STYXL1: variants seen among roughly 807,000 people sequenced by gnomAD.
STYXL1 encodes serine/threonine/tyrosine-interacting-like protein 1.
A neutral mutation model predicts 36.4 loss-of-function variants in STYXL1; 32 were observed. That is an observed-to-expected ratio of 0.88 (90% CI 0.66 to 1.18). The LOEUF (loss-of-function observed/expected upper bound fraction) is 1.18, where lower values mean the gene tolerates loss of function less well. Ranked by LOEUF, STYXL1 falls within the 50% of genes most tolerant of loss-of-function variation. The pLI is 0.00. For synonymous variants in STYXL1, 133 were observed against 144.1 expected (o/e 0.92, Z 0.55); for missense variants, 354 against 394.1 (o/e 0.90, Z 0.86).
intron 8 of STYXL1, among the ~76,000 whole-genome samples, chr7:75,996,844 C>T (rs1554564290): frequency 3.3e-5 from 5 of 152,258 alleles, no homozygotes; most frequent in Admixed American, 2.0e-4. Context: ...CTATTTCAAA[C>T]AGCTTCTGGG....
At chr7:76,041,945 C>G (rs138982385) in intron 1 of STYXL1, among the ~76,000 whole-genome samples, 15 of 152,264 alleles carry the variant, frequency 9.9e-5, no homozygotes, top group Non-Finnish European at 2.1e-4. Context: ...TGGAATTTGT[C>G]AAAACCAAAC....
chr7:76,028,073 T>C (rs942985780), intron 3 of STYXL1, among the ~76,000 whole-genome samples: 5 of 152,084 alleles, frequency 3.3e-5, no homozygotes, highest in Admixed American at 2.0e-4. Flanking sequence ...CTCACTCTGT[T>C]GCCCAGGCTA....
At chr7:76,045,328 A>T (rs200611379) in intron 1 of STYXL1, 2 of 145,792 alleles carry the variant, frequency 1.4e-5, no homozygotes, top group Non-Finnish European at 3.0e-5. Flanking sequence ...AACAATCTCC[A>T]TTTTTTTTTT....
intron 4 of STYXL1, among the ~76,000 whole-genome samples, chr7:76,021,537 C>G (rs541744156): frequency 6.6e-6 from 1 of 152,150 alleles, no homozygotes; most frequent in Non-Finnish European, 1.5e-5. Flanking sequence ...CACCAAAGAA[C>G]GCAGTTTCCA....
intron 5 of STYXL1, among the ~76,000 whole-genome samples, chr7:76,011,299 C>T (rs1792525809): frequency 6.6e-6 from 1 of 152,210 alleles, no homozygotes; most frequent in South Asian, 2.1e-4. Flanking sequence ...CTTCTCACCT[C>T]ACCCCAGATT....
intron 1 of STYXL1, among the ~76,000 whole-genome samples, chr7:76,039,430 AC>A: frequency 6.6e-6 from 1 of 152,128 alleles, no homozygotes; most frequent in Non-Finnish European, 1.5e-5. Flanking sequence ...CCAGCTTGAC[AC>A]ATTCTCTGTG....
At position 76,005,421 on chromosome 7, in the gene STYXL1, G is replaced by C. The variant is rs1428090341; in HGVS notation, c.454-17C>G. ...ATCCAGTTCCTGAAGTGTGGAGGGA[G>C]AAAGGCAGCTATGAGCATATTCCTC... On this transcript the variant is annotated splice_polypyrimidine_tract_variant and intron_variant, in intron 5 of 8. Coordinates refer to ENST00000359697, the MANE Select transcript of STYXL1 (RefSeq NM_001317785.2). 1.3e-6 allele frequency: 2 copies of C among 1,587,808 alleles called. No homozygotes were observed. Among genetic ancestry groups the C allele is most frequent in the Non-Finnish European group, 1.7e-6 (2 of 1,161,752 alleles).
Position 76,013,757 on chromosome 7 carries a change from G to A in STYXL1, c.438C>T (p.Ile146=), listed in dbSNP as rs1554572956. The stretch of plus-strand genomic sequence containing the variant: ...TTGGCCCTACCTGAGGCATCCAGAT[G>A]ATCTTCTGGGTCCGGAGAAAGTGGT... ...GTYHFLRTQK[I]IWMPQELDAF... The change falls in exon 5 of 9, where the codon ATC becomes ATT. Residue 146 remains isoleucine, a synonymous_variant. Coordinates refer to ENST00000359697, the MANE Select transcript of STYXL1 (RefSeq NM_001317785.2). 6.2e-7 allele frequency: 1 copy of A among 1,613,952 alleles called. No homozygotes were observed. Among genetic ancestry groups the A allele is most frequent in the Non-Finnish European group, 8.5e-7 (1 of 1,179,920 alleles).
At chr7:76,029,272 T>C (rs190723203) in intron 2 of STYXL1, among the ~76,000 whole-genome samples, 2,019 of 152,038 alleles carry the variant, frequency 0.013, 27 homozygotes, top group Admixed American at 0.036. Flanking sequence ...TCAGCCTCCC[T>C]AGTAGCTGGG....
chr7:76,004,425 C>G (rs1791385482), intron 6 of STYXL1, among the ~76,000 whole-genome samples: 1 of 151,870 alleles, frequency 6.6e-6, no homozygotes, highest in Non-Finnish European at 1.5e-5. Flanking sequence ...CTATCTTGGC[C>G]AAGCATGGTG....
intron 1 of STYXL1, among the ~76,000 whole-genome samples, chr7:76,037,257 G>A (rs1796006568): frequency 6.7e-6 from 1 of 150,352 alleles, no homozygotes; most frequent in Admixed American, 6.6e-5. Flanking sequence ...GACACTTACT[G>A]TCAAGACAGC....
intron 1 of STYXL1, among the ~76,000 whole-genome samples, chr7:76,047,078 G>C (rs981980322): frequency 8.5e-6 from 1 of 117,088 alleles, no homozygotes; most frequent in Admixed American, 9.0e-5. Flanking sequence ...TGACCAACGT[G>C]GTGAAACCCC....
Position 76,028,773 on chromosome 7 carries a change from C to T in STYXL1, c.104-70G>A, listed in dbSNP as rs142763155. The T allele has an allele frequency of 1.0e-3, 1,412 of 1,361,432 alleles. 8 individuals are homozygous for T. In the African/African-American group the frequency reaches 0.015, roughly 14 times the overall value. 84.3% of individuals were successfully genotyped at this position (1,361,432 alleles called of 1,614,324 possible). A position where few individuals can be genotyped will look rare whatever the true frequency, so the allele number is the denominator to read the frequency against. ...ACGACCAAACTACTCAGAGGACCTA[C>T]GTCGTCATCAACGTCTATTTGTTTG... is the stretch of plus-strand genomic sequence containing the variant. On this transcript the variant is annotated intron_variant, in intron 2 of 8. Coordinates refer to ENST00000359697, the MANE Select transcript of STYXL1 (RefSeq NM_001317785.2).
In STYXL1 at chr7:76,003,697, C is replaced by T. The variant is rs1311474189; in HGVS notation, c.697+61G>A. ...CAGAATAAGCCTGTGAAGGAGGCTC[C>T]ACTGCCCCTCTGCTTCCCAGACACA... On this transcript the variant is annotated intron_variant, in intron 7 of 8. Coordinates refer to ENST00000359697, the MANE Select transcript of STYXL1 (RefSeq NM_001317785.2). 4 of 1,466,610 alleles carry T rather than the reference C, an allele frequency of 2.7e-6. No individual in the cohort carries two copies. The East Asian group carries it at 9.1e-5, about 33-fold the overall frequency. The allele number at this position is 1,466,610 out of a possible 1,614,324, so 90.8% of individuals were successfully genotyped here. A position where few individuals can be genotyped will look rare whatever the true frequency, so the allele number is the denominator to read the frequency against.
chr7:76,003,728 G>A lies in STYXL1; in HGVS notation c.697+30C>T, dbSNP rs1554568841. 4 of 1,607,166 alleles carry A rather than the reference G, an allele frequency of 2.5e-6. No individual in the cohort carries two copies. In the South Asian group the frequency reaches 4.4e-5, roughly 18 times the overall value. ...CCCTCTGCTTCCCAGACACAGGCCA[G>A]TTGCTACCCGGCCAAGGAACGCTCC... is the stretch of plus-strand genomic sequence containing the variant. On this transcript the variant is annotated intron_variant, in intron 7 of 8. Coordinates refer to ENST00000359697, the MANE Select transcript of STYXL1 (RefSeq NM_001317785.2).
In STYXL1 at chr7:76,047,966, T is replaced by A; in HGVS notation, c.-309A>T. 2.7e-6 allele frequency: 4 copies of A among 1,463,858 alleles called. No individual in the cohort carries two copies. The highest frequency in any genetic ancestry group is 3.6e-6 in the Non-Finnish European group (4 of 1,108,364). 90.7% of individuals were successfully genotyped at this position (1,463,858 alleles called of 1,614,324 possible). On this transcript the variant is annotated 5_prime_UTR_variant, in exon 1 of 9. Coordinates refer to ENST00000359697, the MANE Select transcript of STYXL1 (RefSeq NM_001317785.2). ...CAGCCAAACACCGGGGTTGCCAGGA[T>A]GGTCCCACAGCTTTCCTTTCCGACT...
At chr7:76,007,896 C>CAA (rs34975812) in intron 5 of STYXL1, among the ~76,000 whole-genome samples, 183 of 107,076 alleles carry the variant, frequency 1.7e-3, no homozygotes, top group Middle Eastern at 5.2e-3. Flanking sequence ...GCCTGTCTCT[C>CAA]AAAAAAAAAA....
intron 4 of STYXL1, among the ~76,000 whole-genome samples, chr7:76,015,189 G>A (rs1554573471): frequency 6.6e-6 from 1 of 152,196 alleles, no homozygotes; most frequent in Admixed American, 6.5e-5. Context: ...GGTTGAGGCT[G>A]TAGTGAGCAA....
intron 3 of STYXL1, among the ~76,000 whole-genome samples, chr7:76,023,507 G>A (rs1001836123): frequency 3.8e-4 from 58 of 151,908 alleles, no homozygotes; most frequent in Non-Finnish European, 4.4e-5. Flanking sequence ...GGGACCACGG[G>A]CATGCACCAC....
Sources: allele counts gnomAD v4.1 joint callset (sites outside exome capture counted in the v4.1 genomes callset), GRCh38; gene constraint gnomAD v4.1.1; transcripts MANE v1.5; gene names NCBI Gene and HGNC (gene_info 2026-07-23, HGNC 2026-07-21).